The following SLC35F4 variants were observed in gnomAD, a reference collection of about 807,000 sequenced individuals.
SLC35F4 encodes solute carrier family 35 member F4.
In SLC35F4, 24 loss-of-function variants were observed where a neutral mutation model predicts 44.2. The ratio of observed to expected loss-of-function variants is 0.54; its 90% CI spans 0.39 to 0.76. SLC35F4 has a LOEUF of 0.76. SLC35F4 is among the 30% of genes least tolerant of loss of function. SLC35F4 has a pLI of 0.00. For missense variants in SLC35F4, 562 were observed against 586.1 expected, an observed-to-expected ratio of 0.96 and a Z score of 0.42; for synonymous variants, 238 against 223.6, an observed-to-expected ratio of 1.06 and a Z score of -0.57.
intron 1 of SLC35F4, among the ~76,000 whole-genome samples, chr14:57,701,037 A>G (rs1276264226): frequency 6.6e-6 from 1 of 152,100 alleles, no homozygotes; most frequent in Non-Finnish European, 1.5e-5. Context: ...GGGTCTCACT[A>G]TGTTGCCCAG....
intron 1 of SLC35F4, among the ~76,000 whole-genome samples, chr14:57,936,338 G>C (rs529948494): frequency 6.6e-6 from 1 of 152,136 alleles, no homozygotes; most frequent in Non-Finnish European, 1.5e-5. Context: ...TAAACATATC[G>C]TGACAACCTC....
At chr14:57,883,898 C>T (rs10142276) in intron 1 of SLC35F4, among the ~76,000 whole-genome samples, 11,021 of 152,202 alleles carry the variant, frequency 0.072, 534 homozygotes, top group African/African-American at 0.14. Context: ...TTCTTTCTAA[C>T]GTTTTGTACA....
intron 1 of SLC35F4, among the ~76,000 whole-genome samples, chr14:57,623,333 A>G (rs2072299581): frequency 6.6e-6 from 1 of 152,200 alleles, no homozygotes; most frequent in Admixed American, 6.5e-5. Context: ...AGACCTAAAA[A>G]GAGACTTAGA....
intron 1 of SLC35F4, among the ~76,000 whole-genome samples, chr14:57,663,204 T>C (rs966407191): frequency 5.3e-5 from 8 of 152,202 alleles, no homozygotes; most frequent in African/African-American, 1.2e-4. Context: ...AGTTTTACCG[T>C]ATAGATGTAG....
At chr14:57,573,185 G>A (rs2068601787) in intron 4 of SLC35F4, among the ~76,000 whole-genome samples, 2 of 152,208 alleles carry the variant, frequency 1.3e-5, no homozygotes, top group South Asian at 4.1e-4. Context: ...CTCGCTTGAG[G>A]CCACTGCAAA....
intron 1 of SLC35F4, among the ~76,000 whole-genome samples, chr14:57,934,483 C>T (rs1889759543): frequency 6.6e-6 from 1 of 151,782 alleles, no homozygotes; most frequent in Admixed American, 6.6e-5. Flanking sequence ...GTAAAAGTCA[C>T]CCTGTAGTTC....
At chr14:57,876,197 G>A (rs1308434824) in intron 1 of SLC35F4, among the ~76,000 whole-genome samples, 1 of 152,172 alleles carries the variant, frequency 6.6e-6, no homozygotes, top group African/African-American at 2.4e-5. Flanking sequence ...ACAAAGCAAT[G>A]CAGTAAGTTT....
rs11845719 is a variant in SLC35F4 at position 57,958,248 on chromosome 14, C to T, written n.282+23665G>A. On this transcript the variant is annotated intron_variant and non_coding_transcript_variant, in intron 1 of 1. Transcript: ENST00000556568. ...AATTATTTTGTATTTTTAGTAGAGA[C>T]GGGGTTTCACCATGTTAGCTGGGAT... 3.7e-3 allele frequency among the ~76,000 whole-genome samples: 563 copies of T among 152,034 alleles called. 3 individuals are homozygous for T. The highest frequency in any genetic ancestry group is 0.012 in the African/African-American group (507 of 41,460).
chr14:57,642,624 ATT>A lies in SLC35F4; in HGVS notation c.104-48502_104-48501del, dbSNP rs752304267. Among the ~76,000 whole-genome samples, 36 of 151,948 alleles carry A rather than the reference ATT, an allele frequency of 2.4e-4. No homozygotes were observed. In the Middle Eastern group the frequency reaches 0.01, roughly 44 times the overall value. On this transcript the variant is annotated intron_variant, in intron 1 of 7. Transcript: ENST00000556826. ...TTTTTTTGATGTTTTCAATGTTGAT[ATT>A]TTTTTCCAAGAAGTAGAGAAATATC... is the stretch of plus-strand genomic sequence containing the variant.
chr14:57,931,223 C>T (rs997965883), intron 1 of SLC35F4, among the ~76,000 whole-genome samples: 2 of 152,144 alleles, frequency 1.3e-5, no homozygotes, highest in African/African-American at 4.8e-5. Context: ...CATTAGTATC[C>T]AATTTCATGG....
chr14:57,690,351 T>C (rs887096981), intron 1 of SLC35F4, among the ~76,000 whole-genome samples: 1 of 152,182 alleles, frequency 6.6e-6, no homozygotes, highest in African/African-American at 2.4e-5. Flanking sequence ...AAAAGAGCAC[T>C]ACCTTTGGTG....
At chr14:57,630,917 A>G in intron 1 of SLC35F4, 1 of 840,616 alleles carries the variant, frequency 1.2e-6, no homozygotes, top group Non-Finnish European at 1.4e-6. Context: ...GTGTCTCTGT[A>G]TATTTTTGTA....
chr14:57,804,361 C>G (rs1881036977), intron 1 of SLC35F4, among the ~76,000 whole-genome samples: 1 of 152,164 alleles, frequency 6.6e-6, no homozygotes, highest in Non-Finnish European at 1.5e-5. Context: ...CGCTACCCAA[C>G]TTTATACTAT....
At chr14:57,924,063 T>G (rs188379933) in intron 1 of SLC35F4, among the ~76,000 whole-genome samples, 10 of 152,352 alleles carry the variant, frequency 6.6e-5, no homozygotes, top group Admixed American at 6.5e-4. Flanking sequence ...GCTCTCTCTT[T>G]GCCTGCTGCC....
In SLC35F4 at chr14:57,865,863, G is replaced by A. The variant is rs981110886; in HGVS notation, c.-38C>T. On this transcript the variant is annotated 5_prime_UTR_variant, in exon 1 of 8. Transcript: ENST00000556826. ...GCGACGGCCCCGAGTGCGGCGGGGC[G>A]GAGAGCGCAGCGCGGGGCCCGGGAG... 1.2e-5 allele frequency: 17 copies of A among 1,428,952 alleles called. No individual in the cohort carries two copies. The highest frequency in any genetic ancestry group is 1.0e-4 in the African/African-American group (7 of 67,210). 88.5% of individuals were successfully genotyped at this position (1,428,952 alleles called of 1,614,324 possible). A position where few individuals can be genotyped will look rare whatever the true frequency, so the allele number is the denominator to read the frequency against.
intron 1 of SLC35F4, among the ~76,000 whole-genome samples, chr14:57,873,143 T>C (rs1161764344): frequency 6.6e-6 from 1 of 152,208 alleles, no homozygotes; most frequent in African/African-American, 2.4e-5. Context: ...TGGGTTTGAT[T>C]CTCCCCTGTA....
rs1197228480 is a variant in SLC35F4 at position 57,890,353 on chromosome 14, T to TA, written n.282+91559dup. Among the ~76,000 whole-genome samples the TA allele has an allele frequency of 2.0e-5, 3 of 152,346 alleles. No homozygotes were observed. The East Asian group carries it at 5.8e-4, about 29-fold the overall frequency. ...GAGGGTTGAAAATTAAAGCTTGTTGTAAGCTTCTGAGTTTGAGGATGGTTT... is the reference window on the plus strand; with the variant it reads ...GAGGGTTGAAAATTAAAGCTTGTTGTAAAGCTTCTGAGTTTGAGGATGGTTT... On this transcript the variant is annotated intron_variant and non_coding_transcript_variant, in intron 1 of 1. Coordinates refer to the SLC35F4 transcript ENST00000556568.
rs201101026 is a variant in SLC35F4 at position 57,678,695 on chromosome 14, GA to G, written c.104-84572del. Among the ~76,000 whole-genome samples the G allele has an allele frequency of 7.1e-4, 99 of 138,798 alleles. 1 individual carries two copies. The highest frequency in any genetic ancestry group is 4.7e-3 in the South Asian group (21 of 4,494). The allele number at this position is 138,798 out of a possible 152,430, so 91.1% of individuals were successfully genotyped here. On this transcript the variant is annotated intron_variant, in intron 1 of 7. Coordinates refer to ENST00000556826, the MANE Select transcript of SLC35F4 (RefSeq NM_001306087.2). ...GGAATATTTACCAAGCAAATGGAAA[GA>G]AAAAAAAAAAGAAAGCAGGGTTTGC...
At chr14:57,851,368 G>C (rs1566904496) in intron 1 of SLC35F4, among the ~76,000 whole-genome samples, 1 of 152,154 alleles carries the variant, frequency 6.6e-6, no homozygotes, top group Non-Finnish European at 1.5e-5. Context: ...GCATGAAAAT[G>C]TTTGGTGTAT....
Sources: gnomAD v4.1 joint callset for allele counts (sites outside exome capture counted in the v4.1 genomes callset) on GRCh38, gnomAD v4.1.1 for gene constraint, MANE v1.5 for transcripts, NCBI Gene and HGNC (gene_info 2026-07-23, HGNC 2026-07-21) for gene names.